Variants in ORC1 observed in about 807,000 individuals in gnomAD.
The protein encoded by ORC1 is origin recognition complex, subunit 1 homolog.
A neutral mutation model predicts 98.9 loss-of-function variants in ORC1; 61 were observed. The observed-to-expected ratio is 0.62, with a 90% CI of 0.50 to 0.76. ORC1 has a LOEUF of 0.76. Among genes scored for constraint, ORC1 ranks in the 30% least tolerant of loss-of-function variants. The pLI, the probability that ORC1 is intolerant of heterozygous loss-of-function variation, is 0.00. For synonymous variants in ORC1, 385 were observed against 406.9 expected (o/e 0.95, Z 0.65); for missense variants, 979 against 1,072.2 (o/e 0.91, Z 1.21).
At chr1:52,383,797 G>T (rs766484187) in intron 12 of ORC1, 33 bp downstream of exon 12, 2 of 1,565,216 alleles carry the variant, frequency 1.3e-6, no homozygotes, top group Admixed American at 1.7e-5. Flanking sequence ...GTACAGCCCT[G>T]TTTCTTCTCC....
chr1:52,383,481 G>A lies in ORC1; in HGVS notation c.1952C>T (p.Ala651Val). 1.2e-6 allele frequency: 2 copies of A among 1,613,560 alleles called. No individual in the cohort carries two copies. The highest frequency in any genetic ancestry group is 1.7e-6 in the Non-Finnish European group (2 of 1,180,030). Reference protein sequence around the residue: ...THKEARLVVLAIANTMDLPER... With the variant: ...THKEARLVVLVIANTMDLPER... ...TGGCAGGTCCATTGTGTTGGCAATTGCCAGGACCACAAGCCGGGCCTCCTT... is the reference window on the plus strand; with the variant it reads ...TGGCAGGTCCATTGTGTTGGCAATTACCAGGACCACAAGCCGGGCCTCCTT... Residue 651 changes from alanine (A) to valine (V), a missense_variant, in exon 13 of 17, where the codon GCA (alanine) becomes GTA (valine). Coordinates refer to ENST00000371568, the MANE Select transcript of ORC1 (RefSeq NM_004153.4).
At chr1:52,381,553 A>C in intron 14 of ORC1, 89 bp downstream of exon 14, 2 of 1,383,624 alleles carry the variant, frequency 1.4e-6, no homozygotes, top group South Asian at 1.2e-5. Context: ...ATTTCTCTCC[A>C]ACCTCAGAGC....
At position 52,393,515 on chromosome 1, in the gene ORC1, G is replaced by A. The variant is rs1263670081; in HGVS notation, c.1010C>T (p.Thr337Ile). The change falls in exon 6 of 17, where the codon ACC becomes ATC. Residue 337 changes from threonine (T) to isoleucine (I), a missense_variant. Transcript: ENST00000371568. ...TIDIREERTL[T>I]PISGGQRSSV... ...AGATCTCTGTCCCCCACTGATAGGG[G>A]TAAGTGTTCTCTCCTCTCTAATGTC... 8.1e-6 allele frequency: 13 copies of A among 1,614,180 alleles called. No individual in the cohort carries two copies. The highest frequency in any genetic ancestry group is 1.1e-5 in the South Asian group (1 of 91,080).
In ORC1 at chr1:52,389,243, A is replaced by T. The variant is rs554803101; in HGVS notation, c.1161T>A (p.Thr387=). 13 of 1,614,142 alleles carry T rather than the reference A, an allele frequency of 8.1e-6. No individual in the cohort carries two copies. Among genetic ancestry groups the T allele is most frequent in the East Asian group, 4.5e-5 (2 of 44,882 alleles). The change falls in exon 7 of 17, where the codon ACT becomes ACA. Residue 387 remains threonine, a synonymous_variant. Transcript: ENST00000371568. ...GAAGCTGCTGCCTAATCCGATTCAT[A>T]GTCAAGACAGAACTCTTTCTGCGGA... ...HRIRRKSSVL[T]MNRIRQQLRF...
chr1:52,396,110 G>T lies in ORC1; in HGVS notation c.657C>A (p.Ser219=). 1.9e-6 allele frequency: 3 copies of T among 1,614,192 alleles called. No individual in the cohort carries two copies. The highest frequency in any genetic ancestry group is 1.7e-6 in the Non-Finnish European group (2 of 1,180,040). ...GATGGGTAGGAGTTTGGCGAGATTTGGAGGCGGAGTGCCTTGATTCAATCC... is the reference window on the plus strand; with the variant it reads ...GATGGGTAGGAGTTTGGCGAGATTTTGAGGCGGAGTGCCTTGATTCAATCC... ...AKRIESRHSA[S]KSRQTPTHPL... is the part of the protein sequence containing the mutation. The change falls in exon 5 of 17, where the codon TCC becomes TCA. Residue 219 remains serine (S), a synonymous_variant. Transcript: ENST00000371568.
chr1:52,387,361 C>T (rs912320488), intron 8 of ORC1, among the ~76,000 whole-genome samples: 1 of 152,212 alleles, frequency 6.6e-6, no homozygotes, highest in Non-Finnish European at 1.5e-5. Context: ...ACCATCCCCC[C>T]AGCCCCTGCC....
chr1:52,402,155 A>T lies in ORC1; in HGVS notation c.69T>A (p.Asp23Glu), dbSNP rs770603666. ...TYSWVGRPLLDRKLHYQTYRE... is the reference protein window; with the variant it reads ...TYSWVGRPLLERKLHYQTYRE... ...TATAGGTTTGGTAGTGCAGTTTTCG[A>T]TCCAACAAGGGCCTGCCAACCCATG... Residue 23 changes from aspartate to glutamate, a missense_variant, in exon 2 of 17, where the codon GAT (aspartate) becomes GAA (glutamate). By Grantham distance (45) the Asp-to-Glu change is conservative. Transcript: ENST00000371568. The T allele has an allele frequency of 1.9e-6, 3 of 1,614,168 alleles. No individual in the cohort carries two copies. In the South Asian group the frequency reaches 3.3e-5, roughly 18 times the overall value.
chr1:52,381,035 C>T (rs529094409), intron 14 of ORC1, among the ~76,000 whole-genome samples: 7 of 152,146 alleles, frequency 4.6e-5, no homozygotes, highest in African/African-American at 1.4e-4. Flanking sequence ...TGTGGATGTA[C>T]GGTTTTTCTT....
At chr1:52,376,049 G>T (rs978655112) in intron 14 of ORC1, among the ~76,000 whole-genome samples, 7 of 152,162 alleles carry the variant, frequency 4.6e-5, no homozygotes, top group African/African-American at 1.4e-4. Context: ...GGGTCGGCTT[G>T]GTCAATGGCT....
chr1:52,409,078 TCTC>T (rs1166951158), upstream of ORC1: 1 of 185,574 alleles, frequency 5.4e-6, no homozygotes, highest in Non-Finnish European at 1.1e-5. Context: ...TCTACTGGCC[TCTC>T]CTCTAACACT....
upstream of ORC1, among the ~76,000 whole-genome samples, chr1:52,407,447 C>T (rs1054813118): frequency 2.0e-5 from 3 of 152,200 alleles, no homozygotes; most frequent in Non-Finnish European, 2.9e-5. Context: ...AATTAGGTAG[C>T]ATTATCTCCG....
chr1:52,394,160 A>G (rs1647294316), intron 5 of ORC1, among the ~76,000 whole-genome samples: 1 of 152,188 alleles, frequency 6.6e-6, no homozygotes, highest in Admixed American at 6.5e-5. Flanking sequence ...TGACATTTGA[A>G]GAGATTTATA....
At position 52,388,567 on chromosome 1, in the gene ORC1, T is replaced by A. The variant is rs1647174137; in HGVS notation, c.1258A>T (p.Ser420Cys). ...GTGGAAGCCTCTTCTTCGTCACTGC[T>A]AGAGTCTGAAATCTCTGCTGCTGGC... ...ILPAAEISDS[S>C]SDEEEASTPP... The change falls in exon 8 of 17, where the codon AGC becomes TGC. Residue 420 changes from serine (S) to cysteine (C), a missense_variant. Transcript: ENST00000371568. 1 of 1,614,054 alleles carries A rather than the reference T, an allele frequency of 6.2e-7. No individual in the cohort carries two copies. Among genetic ancestry groups the A allele is most frequent in the Admixed American group, 1.7e-5 (1 of 60,008 alleles).
chr1:52,402,950 C>A (rs1647792950), intron 1 of ORC1, among the ~76,000 whole-genome samples: 1 of 152,182 alleles, frequency 6.6e-6, no homozygotes, highest in South Asian at 2.1e-4. Flanking sequence ...GATAACTTAT[C>A]CTATCTTATA....
At chr1:52,375,691 G>A in intron 14 of ORC1, 92 bp from the exon 15 acceptor site, 2 of 1,216,710 alleles carry the variant, frequency 1.6e-6, no homozygotes, top group Non-Finnish European at 2.4e-6. Flanking sequence ...TAAGCGTAAA[G>A]TTAAGTACTT....
At chr1:52,377,822 T>A in intron 14 of ORC1, among the ~76,000 whole-genome samples, 1 of 142,860 alleles carries the variant, frequency 7.0e-6, no homozygotes, top group African/African-American at 2.6e-5. Context: ...AAAATAAAAA[T>A]CAAGACAAAA....
chr1:52,404,478 G>T (rs1274136822), upstream of ORC1: 3 of 330,542 alleles, frequency 9.1e-6, no homozygotes, highest in Non-Finnish European at 1.7e-5. Context: ...CCGTCCCTTC[G>T]TTGCGACACC....
intron 6 of ORC1, among the ~76,000 whole-genome samples, chr1:52,390,402 T>C (rs934262067): frequency 2.0e-4 from 31 of 152,168 alleles, no homozygotes; most frequent in South Asian, 4.1e-4. Context: ...CAAATACTTA[T>C]AGCCGACTGA....
At chr1:52,407,881 C>A (rs1400310038), upstream of ORC1, among the ~76,000 whole-genome samples, 1 of 152,246 alleles carries the variant, frequency 6.6e-6, no homozygotes, top group Non-Finnish European at 1.5e-5. Context: ...CATGGCAAAA[C>A]CGGTCCCTAC....
Sources: allele counts gnomAD v4.1 joint callset (sites outside exome capture counted in the v4.1 genomes callset), GRCh38; gene constraint gnomAD v4.1.1; transcripts MANE v1.5; gene names NCBI Gene and HGNC (gene_info 2026-07-23, HGNC 2026-07-21).